CCDC7: variants seen among roughly 807,000 people sequenced by gnomAD.
The protein encoded by CCDC7 is coiled-coil domain containing 7.
In CCDC7, 183 loss-of-function variants were observed where a neutral mutation model predicts 196.9. That is an observed-to-expected ratio of 0.93 (90% CI 0.82 to 1.05). The LOEUF is 1.05. Among genes scored for constraint, CCDC7 ranks in the 50% least tolerant of loss-of-function variants. CCDC7 has a pLI of 0.00. For missense variants in CCDC7, 1,540 were observed against 1,482.2 expected, an observed-to-expected ratio of 1.04 and a Z score of -0.64; for synonymous variants, 525 against 484.6, an observed-to-expected ratio of 1.08 and a Z score of -1.10.
chr10:32,819,129 G>A (rs143272791), intron 31 of CCDC7, among the ~76,000 whole-genome samples: 2,671 of 152,032 alleles, frequency 0.018, 85 homozygotes, highest in African/African-American at 0.061. Flanking sequence ...ATGATAAAGG[G>A]GATATCACCA....
chr10:32,548,332 C>A (rs1589753475), intron 13 of CCDC7, among the ~76,000 whole-genome samples: 2 of 152,096 alleles, frequency 1.3e-5, no homozygotes, highest in South Asian at 2.1e-4. Context: ...GCAGGAAGGG[C>A]AGCTACAGAA....
chr10:32,514,271 G>A (rs2046689020), intron 9 of CCDC7: 1 of 152,156 alleles, frequency 6.6e-6, no homozygotes, highest in African/African-American at 2.4e-5. Context: ...TTGGAAACAG[G>A]GTTATTCCCG....
intron 24 of CCDC7, among the ~76,000 whole-genome samples, chr10:32,709,948 C>T (rs1168189539): frequency 1.3e-5 from 2 of 152,146 alleles, no homozygotes; most frequent in Admixed American, 1.3e-4. Context: ...GTTTGTGGGT[C>T]TGTATAGCCA....
intron 28 of CCDC7, among the ~76,000 whole-genome samples, chr10:32,764,703 C>A (rs1316665777): frequency 7.2e-5 from 11 of 152,030 alleles, no homozygotes; most frequent in Non-Finnish European, 1.5e-5. Context: ...CCTTTCACCA[C>A]AACTGTGAGA....
exon 18 of CCDC7, chr10:32,584,290 C>A: frequency 6.3e-7 from 1 of 1,596,978 alleles, no homozygotes; most frequent in Non-Finnish European, 8.6e-7. Flanking sequence ...TACCAAGCAG[C>A]AGAAAAATCT....
intron 8 of CCDC7, among the ~76,000 whole-genome samples, chr10:32,488,641 C>T (rs1032413825): frequency 6.6e-6 from 1 of 152,168 alleles, no homozygotes; most frequent in Non-Finnish European, 1.5e-5. Flanking sequence ...CCCCCAGCAT[C>T]AGAATTTCTG....
chr10:32,711,190 A>G (rs2080776483), intron 24 of CCDC7, among the ~76,000 whole-genome samples: 1 of 151,828 alleles, frequency 6.6e-6, no homozygotes, highest in South Asian at 2.1e-4. Context: ...GTGTGTATAT[A>G]TATACATATA....
intron 18 of CCDC7, among the ~76,000 whole-genome samples, chr10:32,619,518 A>G (rs189891498): frequency 6.6e-6 from 1 of 152,320 alleles, no homozygotes; most frequent in African/African-American, 2.4e-5. Context: ...AGAATAACAT[A>G]CATATGCACA....
At chr10:32,818,572 G>A (rs904191137) in intron 31 of CCDC7, among the ~76,000 whole-genome samples, 6 of 152,056 alleles carry the variant, frequency 3.9e-5, no homozygotes, top group African/African-American at 1.4e-4. Flanking sequence ...TTCCAAAATT[G>A]ACCACATAGT....
intron 13 of CCDC7, among the ~76,000 whole-genome samples, chr10:32,554,083 G>T (rs1229521369): frequency 6.6e-6 from 1 of 152,162 alleles, no homozygotes; most frequent in Non-Finnish European, 1.5e-5. Context: ...AGTCATGCAG[G>T]TTGTCAGAGT....
chr10:32,579,546 G>A (rs1305654474), intron 16 of CCDC7, among the ~76,000 whole-genome samples: 1 of 151,986 alleles, frequency 6.6e-6, no homozygotes, highest in East Asian at 1.9e-4. Flanking sequence ...TGTGTGTTTG[G>A]GTTCCCCAAG....
intron 18 of CCDC7, among the ~76,000 whole-genome samples, chr10:32,616,236 G>A (rs935294957): frequency 2.6e-5 from 4 of 151,898 alleles, no homozygotes; most frequent in African/African-American, 9.7e-5. Flanking sequence ...TCAATCTGCT[G>A]ATTACTTTGG....
In CCDC7 at chr10:32,824,620, T is replaced by A. The variant is rs1246711458; in HGVS notation, c.3268+16T>A. 1 of 1,554,786 alleles carries A rather than the reference T, an allele frequency of 6.4e-7. No homozygotes were observed. Among genetic ancestry groups the A allele is most frequent in the East Asian group, 2.3e-5 (1 of 44,384 alleles). On this transcript the variant is annotated intron_variant, in intron 32 of 41. Transcript: ENST00000639629. ...AGTTACCCTGGTAAGAATAAGAATTTTTAAAATCTACTTATGGTTTCCTAT... is the reference window on the plus strand; with the variant it reads ...AGTTACCCTGGTAAGAATAAGAATTATTAAAATCTACTTATGGTTTCCTAT...
At chr10:32,798,583 C>T (rs1409809786) in intron 29 of CCDC7, among the ~76,000 whole-genome samples, 1 of 152,220 alleles carries the variant, frequency 6.6e-6, no homozygotes, top group Non-Finnish European at 1.5e-5. Context: ...CATCCACATA[C>T]CTCTTCCCCA....
chr10:32,476,358 T>TC (rs373478095), intron 8 of CCDC7, among the ~76,000 whole-genome samples: 6 of 5,434 alleles, frequency 1.1e-3, no homozygotes, highest in Non-Finnish European at 1.2e-3. Flanking sequence ...TTCCTCTGTG[T>TC]TTCAATAGTT....
chr10:32,449,546 A>G (rs1254245116), upstream of CCDC7, among the ~76,000 whole-genome samples: 1 of 151,984 alleles, frequency 6.6e-6, no homozygotes, highest in Non-Finnish European at 1.5e-5. Context: ...CTGTGAGCTC[A>G]TATACCCCTG....
intron 9 of CCDC7, among the ~76,000 whole-genome samples, chr10:32,494,721 G>T (rs1466524402): frequency 6.6e-6 from 1 of 151,636 alleles, no homozygotes; most frequent in African/African-American, 2.4e-5. Flanking sequence ...CAAAGGACAT[G>T]ATCTCATCCT....
intron 41 of CCDC7, among the ~76,000 whole-genome samples, chr10:32,860,968 G>A (rs1352625774): frequency 6.6e-6 from 1 of 152,010 alleles, no homozygotes; most frequent in Non-Finnish European, 1.5e-5. Flanking sequence ...TCAATATCGT[G>A]AAAATGGCCA....
At chr10:32,660,230 T>C (rs1415460724) in intron 20 of CCDC7, among the ~76,000 whole-genome samples, 11 of 147,004 alleles carry the variant, frequency 7.5e-5, no homozygotes, top group South Asian at 2.2e-4. Context: ...ACCCACTAAC[T>C]CGTCATCTAG....
Sources: allele counts gnomAD v4.1 joint callset (sites outside exome capture counted in the v4.1 genomes callset), GRCh38; gene constraint gnomAD v4.1.1; transcripts MANE v1.5; gene names NCBI Gene and HGNC (gene_info 2026-07-23, HGNC 2026-07-21).